The following ARHGAP15 variants were observed in gnomAD, a reference collection of about 807,000 sequenced individuals.
The protein encoded by ARHGAP15 is Rho GTPase activating protein 15.
A neutral mutation model predicts 63.7 loss-of-function variants in ARHGAP15; 51 were observed. The observed-to-expected ratio is 0.80, with a 90% confidence interval of 0.64 to 1.01. The LOEUF (loss-of-function observed/expected upper bound fraction) is 1.01, where lower values mean the gene tolerates loss of function less well. ARHGAP15 is among the 50% of genes least tolerant of loss of function. ARHGAP15 has a pLI of 0.00. For synonymous variants in ARHGAP15, 191 were observed against 193.8 expected (o/e 0.99, Z 0.12); for missense variants, 560 against 564.6 (o/e 0.99, Z 0.08).
intron 6 of ARHGAP15, among the ~76,000 whole-genome samples, chr2:143,286,320 C>A (rs1438804341): frequency 2.6e-5 from 4 of 152,176 alleles, no homozygotes; most frequent in Admixed American, 2.6e-4. Context: ...TTATTTCTAA[C>A]AGACCACAGT....
intron 11 of ARHGAP15, among the ~76,000 whole-genome samples, chr2:143,585,010 G>A (rs1697058094): frequency 6.6e-6 from 1 of 152,106 alleles, no homozygotes; most frequent in Admixed American, 6.6e-5. Flanking sequence ...TACTGATAAA[G>A]ACTAGAGAGA....
chr2:143,613,439 T>C (rs898076381), intron 11 of ARHGAP15, among the ~76,000 whole-genome samples: 1 of 152,196 alleles, frequency 6.6e-6, no homozygotes, highest in African/African-American at 2.4e-5. Flanking sequence ...ACAATCAGCA[T>C]GTGGAGACCA....
intron 13 of ARHGAP15, among the ~76,000 whole-genome samples, chr2:143,729,922 G>C (rs1559149185): frequency 6.6e-6 from 1 of 152,096 alleles, no homozygotes; most frequent in Non-Finnish European, 1.5e-5. Flanking sequence ...TGAGGTGAGA[G>C]GGAGAAATCA....
At chr2:143,206,285 A>T (rs1692327948) in intron 3 of ARHGAP15, among the ~76,000 whole-genome samples, 1 of 152,152 alleles carries the variant, frequency 6.6e-6, no homozygotes, top group African/African-American at 2.4e-5. Flanking sequence ...ACTTCTACTT[A>T]GATTGCTTTT....
At position 143,587,937 on chromosome 2, in the gene ARHGAP15, T is replaced by C. The variant is rs181376712; in HGVS notation, c.1003+31452T>C. On this transcript the variant is annotated intron_variant, in intron 11 of 13. Transcript: ENST00000295095. ...ACTGAACCCATTAAATCAAAAGCCTTTCTCTTAACTGGACTCACCTTCCTT... is the reference window on the plus strand; with the variant it reads ...ACTGAACCCATTAAATCAAAAGCCTCTCTCTTAACTGGACTCACCTTCCTT... 41 of 224,130 alleles carry C rather than the reference T, an allele frequency of 1.8e-4. No homozygotes were observed. In the East Asian group the frequency reaches 4.2e-3, roughly 23 times the overall value. The allele number at this position is 224,130 out of a possible 1,614,324, so 13.9% of individuals were successfully genotyped here. A position where few individuals can be genotyped will look rare whatever the true frequency, so the allele number is the denominator to read the frequency against.
At chr2:143,657,304 G>A (rs1301638410) in intron 12 of ARHGAP15, among the ~76,000 whole-genome samples, 2 of 152,262 alleles carry the variant, frequency 1.3e-5, no homozygotes, top group East Asian at 1.9e-4. Flanking sequence ...CCGAGATCGC[G>A]CCACTGCACT....
intron 13 of ARHGAP15, among the ~76,000 whole-genome samples, chr2:143,752,898 A>T (rs576072489): frequency 7.9e-4 from 121 of 152,294 alleles, no homozygotes; most frequent in African/African-American, 2.8e-3. Flanking sequence ...GCACTTCAGG[A>T]GGCTGAGGCA....
At chr2:143,468,272 TA>T (rs1253384436) in intron 8 of ARHGAP15, among the ~76,000 whole-genome samples, 2 of 152,212 alleles carry the variant, frequency 1.3e-5, no homozygotes, top group South Asian at 2.1e-4. Flanking sequence ...ATTCTGTTTG[TA>T]GTCAACTTTT....
intron 6 of ARHGAP15, among the ~76,000 whole-genome samples, chr2:143,356,380 A>G (rs1219812257): frequency 6.6e-6 from 1 of 152,118 alleles, no homozygotes; most frequent in Non-Finnish European, 1.5e-5. Flanking sequence ...CCAGGAAACA[A>G]AAGAAATTGC....
chr2:143,706,959 A>T (rs1424352363), intron 13 of ARHGAP15, among the ~76,000 whole-genome samples: 1 of 152,200 alleles, frequency 6.6e-6, no homozygotes, highest in Non-Finnish European at 1.5e-5. Flanking sequence ...TTGGAAAGGC[A>T]GAGAGGCAGA....
chr2:143,407,987 G>GTATATATATA (rs58194704), intron 6 of ARHGAP15, among the ~76,000 whole-genome samples: 48 of 77,398 alleles, frequency 6.2e-4, no homozygotes, highest in African/African-American at 1.2e-3. Flanking sequence ...TTCTGTGTGT[G>GTATATATATA]TATATATATA....
chr2:143,327,140 G>A (rs1165387190), intron 6 of ARHGAP15, among the ~76,000 whole-genome samples: 2 of 152,154 alleles, frequency 1.3e-5, no homozygotes, highest in East Asian at 3.9e-4. Flanking sequence ...TAAATCATGA[G>A]TGAACTCCCA....
chr2:143,311,216 A>C (rs1235803499), intron 6 of ARHGAP15, among the ~76,000 whole-genome samples: 1 of 152,038 alleles, frequency 6.6e-6, no homozygotes, highest in Non-Finnish European at 1.5e-5. Flanking sequence ...CCAGTAAAGT[A>C]ATAAGCACAC....
chr2:143,505,206 A>G (rs1693255125), intron 9 of ARHGAP15, among the ~76,000 whole-genome samples: 1 of 152,186 alleles, frequency 6.6e-6, no homozygotes, highest in Non-Finnish European at 1.5e-5. Flanking sequence ...ATGGTGGCGA[A>G]CATCATTCTG....
chr2:143,585,325 C>T (rs1314581920), intron 11 of ARHGAP15, among the ~76,000 whole-genome samples: 1 of 151,892 alleles, frequency 6.6e-6, no homozygotes, highest in Admixed American at 6.6e-5. Context: ...TAAATAACTG[C>T]TATAAAATTT....
At chr2:143,303,607 T>C (rs1230988728) in intron 6 of ARHGAP15, among the ~76,000 whole-genome samples, 1 of 152,056 alleles carries the variant, frequency 6.6e-6, no homozygotes, top group African/African-American at 2.4e-5. Flanking sequence ...AAAGCCAAAA[T>C]TGACAAATGA....
intron 5 of ARHGAP15, among the ~76,000 whole-genome samples, chr2:143,249,672 C>G (rs1389067348): frequency 1.3e-5 from 2 of 151,780 alleles, no homozygotes; most frequent in African/African-American, 4.8e-5. Context: ...TGGAGGTATG[C>G]CAATGTAAAG....
intron 13 of ARHGAP15, among the ~76,000 whole-genome samples, chr2:143,766,467 G>A (rs936877779): frequency 6.6e-6 from 1 of 152,148 alleles, no homozygotes; most frequent in African/African-American, 2.4e-5. Flanking sequence ...ACGTGCAAGA[G>A]TAGGTGATGC....
chr2:143,624,132 G>A lies in ARHGAP15; in HGVS notation c.1004-1G>A. On this transcript the variant is annotated splice_acceptor_variant, in intron 11 of 13. Transcript: ENST00000295095. LOFTEE classifies it high-confidence loss of function. ...TTCCATTTCTCCTCGTGTTTTCCCA[G>A]AAGAGAAGCTGAATTTGGACGACAG... 6.2e-7 allele frequency: 1 copy of A among 1,613,270 alleles called. No homozygotes were observed. Among genetic ancestry groups the A allele is most frequent in the Non-Finnish European group, 8.5e-7 (1 of 1,179,458 alleles).
Sources: allele counts gnomAD v4.1 joint callset (sites outside exome capture counted in the v4.1 genomes callset), GRCh38; gene constraint gnomAD v4.1.1; transcripts MANE v1.5; gene names NCBI Gene and HGNC (gene_info 2026-07-23, HGNC 2026-07-21).